GATAD2B: variants seen among roughly 807,000 people sequenced by gnomAD.
GATAD2B encodes transcriptional repressor p66-beta.
A neutral mutation model predicts 64.3 loss-of-function variants in GATAD2B; 8 were observed. The observed-to-expected ratio is 0.12, with a 90% CI of 0.07 to 0.22. The LOEUF (loss-of-function observed/expected upper bound fraction) is 0.22. GATAD2B is among the 10% of genes least tolerant of loss of function. The probability of loss-of-function intolerance (pLI) is 1.00; values close to 1 mark genes in which losing one functional copy is unlikely to be tolerated. For missense variants in GATAD2B, 453 were observed against 752.0 expected (o/e 0.60, Z 4.65); for synonymous variants, 281 against 271.3 (o/e 1.04, Z -0.35).
At chr1:153,826,950 A>C (rs1489729277) in intron 2 of GATAD2B, among the ~76,000 whole-genome samples, 2 of 151,498 alleles carry the variant, frequency 1.3e-5, no homozygotes, top group Non-Finnish European at 2.9e-5. Flanking sequence ...TAAAAAAAAA[A>C]AAAAAAAAAA....
chr1:153,847,092 A>G (rs576526186), intron 1 of GATAD2B, among the ~76,000 whole-genome samples: 1 of 151,820 alleles, frequency 6.6e-6, no homozygotes, highest in South Asian at 2.1e-4. Flanking sequence ...TCAGCCTCCC[A>G]AGTAACTGAG....
chr1:153,913,063 G>A (rs1481190296), intron 1 of GATAD2B, among the ~76,000 whole-genome samples: 1 of 152,068 alleles, frequency 6.6e-6, no homozygotes, highest in Non-Finnish European at 1.5e-5. Context: ...ACTCCAGCCT[G>A]GGCAACAAGA....
chr1:153,883,039 G>T (rs928789857), intron 1 of GATAD2B, among the ~76,000 whole-genome samples: 1 of 152,074 alleles, frequency 6.6e-6, no homozygotes, highest in Non-Finnish European at 1.5e-5. Flanking sequence ...GAATAACAAG[G>T]GGGGAGGGAT....
At chr1:153,876,490 G>C (rs1205121432) in intron 1 of GATAD2B, among the ~76,000 whole-genome samples, 1 of 152,076 alleles carries the variant, frequency 6.6e-6, no homozygotes, top group Non-Finnish European at 1.5e-5. Context: ...TCACATTCTT[G>C]AAAGAAAGAG....
intron 1 of GATAD2B, among the ~76,000 whole-genome samples, chr1:153,878,163 T>A (rs990447251): frequency 4.6e-5 from 3 of 64,522 alleles, no homozygotes; most frequent in Non-Finnish European, 9.4e-5. Context: ...TCCTGCAATC[T>A]TTTTTTTTTT....
At chr1:153,914,060 C>G (rs1435167944) in intron 1 of GATAD2B, among the ~76,000 whole-genome samples, 6 of 151,468 alleles carry the variant, frequency 4.0e-5, no homozygotes, top group Admixed American at 4.0e-4. Flanking sequence ...CTGGCCAACA[C>G]AGTGAAACCC....
At chr1:153,844,426 A>C (rs1394914654) in intron 1 of GATAD2B, among the ~76,000 whole-genome samples, 1 of 151,798 alleles carries the variant, frequency 6.6e-6, no homozygotes, top group African/African-American at 2.4e-5. Flanking sequence ...AATTATAAAA[A>C]AAAAAAAAAA....
At chr1:153,820,928 G>T (rs917145668) in intron 2 of GATAD2B, among the ~76,000 whole-genome samples, 1 of 146,784 alleles carries the variant, frequency 6.8e-6, no homozygotes, top group Non-Finnish European at 1.5e-5. Flanking sequence ...ATCGCTAGCT[G>T]TCCACTTCTC....
intron 2 of GATAD2B, among the ~76,000 whole-genome samples, chr1:153,821,910 C>T (rs1283731332): frequency 6.6e-6 from 1 of 151,798 alleles, no homozygotes; most frequent in South Asian, 2.1e-4. Flanking sequence ...TTCTATATTC[C>T]TTTATACTCC....
At chr1:153,845,105 C>A (rs993172285) in intron 1 of GATAD2B, among the ~76,000 whole-genome samples, 7 of 151,890 alleles carry the variant, frequency 4.6e-5, no homozygotes, top group African/African-American at 1.7e-4. Flanking sequence ...GGAAGATGTA[C>A]AAAAAGACTC....
chr1:153,880,769 A>G (rs988382766), intron 1 of GATAD2B, among the ~76,000 whole-genome samples: 5 of 151,448 alleles, frequency 3.3e-5, no homozygotes, highest in African/African-American at 1.2e-4. Flanking sequence ...GCTTGAACCC[A>G]GGAGGTCAAG....
At chr1:153,885,864 A>C (rs1339920648) in intron 1 of GATAD2B, among the ~76,000 whole-genome samples, 1 of 131,168 alleles carries the variant, frequency 7.6e-6, no homozygotes. Flanking sequence ...CTCCGTCTCC[A>C]AAAAAAAAAA....
intron 1 of GATAD2B, among the ~76,000 whole-genome samples, chr1:153,908,630 A>C (rs1208452934): frequency 6.6e-6 from 1 of 151,488 alleles, no homozygotes; most frequent in Non-Finnish European, 1.5e-5. Context: ...CACCACGCCC[A>C]GCTAATTTTA....
Position 153,906,065 on chromosome 1 carries a change from CA to C in GATAD2B, c.-2+16667del, listed in dbSNP as rs142513068. Among the ~76,000 whole-genome samples, 379 of 74,836 alleles carry C rather than the reference CA, an allele frequency of 5.1e-3. 1 individual carries two copies. Among genetic ancestry groups the C allele is most frequent in the East Asian group, 0.032 (78 of 2,476 alleles). 49.1% of individuals were successfully genotyped at this position (74,836 alleles called of 152,430 possible). On this transcript the variant is annotated intron_variant, in intron 1 of 10. Transcript: ENST00000368655. The stretch of plus-strand genomic sequence containing the variant: ...CTGGTGACAGAGGGAGGTTCCCTCT[CA>C]AAAAAAAAAAAAAAAGCTCCCCTCC...
chr1:153,835,707 A>T (rs1004219983), intron 1 of GATAD2B, among the ~76,000 whole-genome samples: 1 of 152,124 alleles, frequency 6.6e-6, no homozygotes, highest in Non-Finnish European at 1.5e-5. Flanking sequence ...TAATGTAAAC[A>T]TAACTTTTAT....
chr1:153,912,889 T>A (rs576624165), intron 1 of GATAD2B, among the ~76,000 whole-genome samples: 1 of 152,002 alleles, frequency 6.6e-6, no homozygotes, highest in African/African-American at 2.4e-5. Flanking sequence ...GGTCAGGAGT[T>A]CAAGACCAGC....
chr1:153,918,709 T>C (rs1335582705), intron 1 of GATAD2B, among the ~76,000 whole-genome samples: 1 of 152,118 alleles, frequency 6.6e-6, no homozygotes, highest in African/African-American at 2.4e-5. Flanking sequence ...TCCCAGCACT[T>C]TGGGAGGCTG....
At chr1:153,870,170 C>T (rs912466323) in intron 1 of GATAD2B, among the ~76,000 whole-genome samples, 1 of 152,046 alleles carries the variant, frequency 6.6e-6, no homozygotes, top group Non-Finnish European at 1.5e-5. Context: ...AGGCTGGTCT[C>T]GAACTCCTGG....
chr1:153,912,791 C>T (rs539622160), intron 1 of GATAD2B, among the ~76,000 whole-genome samples: 33 of 152,230 alleles, frequency 2.2e-4, no homozygotes, highest in Admixed American at 3.9e-4. Flanking sequence ...ATAACCTTTA[C>T]GCCTTTATAA....
Sources: gnomAD v4.1 joint callset for allele counts (sites outside exome capture counted in the v4.1 genomes callset) on GRCh38, gnomAD v4.1.1 for gene constraint, MANE v1.5 for transcripts, NCBI Gene and HGNC (gene_info 2026-07-23, HGNC 2026-07-21) for gene names.